Variants in RNFT2 observed in about 807,000 individuals in gnomAD.
The protein encoded by RNFT2 is ring finger protein, transmembrane 2.
A neutral mutation model predicts 53.0 loss-of-function variants in RNFT2; 36 were observed. The observed-to-expected ratio is 0.68, with a 90% CI of 0.52 to 0.90. The LOEUF is 0.90. Ranked by LOEUF, RNFT2 falls within the 40% of genes least tolerant of loss-of-function variation. The pLI is 0.00. For synonymous variants in RNFT2, 260 were observed against 253.2 expected (o/e 1.03, Z -0.26); for missense variants, 514 against 585.6 (o/e 0.88, Z 1.26).
intron 10 of RNFT2, among the ~76,000 whole-genome samples, chr12:116,841,564 A>G (rs1489333127): frequency 1.3e-5 from 2 of 150,364 alleles, no homozygotes; most frequent in African/African-American, 4.9e-5. Flanking sequence ...CCTGGCCAAC[A>G]TGGTGAAGCC....
intron 7 of RNFT2, among the ~76,000 whole-genome samples, chr12:116,807,784 C>T (rs1406268206): frequency 6.6e-6 from 1 of 152,002 alleles, no homozygotes; most frequent in Non-Finnish European, 1.5e-5. Context: ...TCTGTGGGGC[C>T]TGCACCTCAC....
intron 7 of RNFT2, among the ~76,000 whole-genome samples, chr12:116,791,011 T>C (rs1200450906): frequency 6.6e-6 from 1 of 152,230 alleles, no homozygotes; most frequent in Non-Finnish European, 1.5e-5. Context: ...TTTTAGAGTA[T>C]GCCATTCAGT....
chr12:116,801,619 T>A (rs1222488954), intron 7 of RNFT2: 1 of 152,208 alleles, frequency 6.6e-6, no homozygotes, highest in Non-Finnish European at 1.5e-5. Context: ...GTTAGTTAAT[T>A]ATTGTCATTC....
chr12:116,765,483 T>C (rs1205610141), intron 5 of RNFT2, among the ~76,000 whole-genome samples: 1 of 152,068 alleles, frequency 6.6e-6, no homozygotes, highest in Non-Finnish European at 1.5e-5. Context: ...ACAGGGAAGG[T>C]TACACTGGGA....
intron 7 of RNFT2, among the ~76,000 whole-genome samples, chr12:116,803,779 A>G (rs1160000008): frequency 6.6e-6 from 1 of 152,250 alleles, no homozygotes; most frequent in African/African-American, 2.4e-5. Flanking sequence ...AGCCTTGAGT[A>G]GCAGGGGGAT....
At chr12:116,805,468 T>TTTG (rs957787286) in intron 7 of RNFT2, among the ~76,000 whole-genome samples, 7 of 152,116 alleles carry the variant, frequency 4.6e-5, no homozygotes, top group South Asian at 4.2e-4. Flanking sequence ...TGCTGCATTT[T>TTTG]TTGTTGTTGT....
At chr12:116,841,967 AG>A (rs1555210472) in intron 10 of RNFT2, among the ~76,000 whole-genome samples, 6 of 17,214 alleles carry the variant, frequency 3.5e-4, no homozygotes, top group Admixed American at 1.1e-3. Context: ...ATAGAGAGAG[AG>A]AGAGAGAGAG....
intron 10 of RNFT2, among the ~76,000 whole-genome samples, chr12:116,847,249 A>T (rs1168900308): frequency 6.6e-6 from 1 of 152,108 alleles, no homozygotes; most frequent in East Asian, 1.9e-4. Flanking sequence ...TATTTAATAT[A>T]TGGTACATAT....
chr12:116,771,378 T>C (rs1042036272), intron 6 of RNFT2, among the ~76,000 whole-genome samples: 1 of 144,016 alleles, frequency 6.9e-6, no homozygotes, highest in African/African-American at 2.6e-5. Context: ...GAGGATCACA[T>C]AAGCCTGGGA....
intron 3 of RNFT2, chr12:116,748,752 T>C: frequency 2.4e-6 from 1 of 421,214 alleles, no homozygotes; most frequent in Non-Finnish European, 4.7e-6. Context: ...GAGGTAATTC[T>C]AGAATCATAG....
chr12:116,828,163 C>A (rs1876441977), intron 7 of RNFT2, among the ~76,000 whole-genome samples: 1 of 152,174 alleles, frequency 6.6e-6, no homozygotes, highest in Non-Finnish European at 1.5e-5. Context: ...CCTCTTGGCT[C>A]TGGAACACCC....
intron 6 of RNFT2, among the ~76,000 whole-genome samples, chr12:116,768,711 T>C (rs1348917799): frequency 6.7e-6 from 1 of 149,976 alleles, no homozygotes; most frequent in African/African-American, 2.5e-5. Flanking sequence ...CTTTTCATTG[T>C]CATTTTTTTT....
chr12:116,754,242 C>T (rs1409680561), intron 5 of RNFT2, among the ~76,000 whole-genome samples, 182 bp downstream of exon 5: 1 of 152,196 alleles, frequency 6.6e-6, no homozygotes, highest in Non-Finnish European at 1.5e-5. Context: ...TCCTGAGTTA[C>T]ATCACTTAGA....
intron 7 of RNFT2, among the ~76,000 whole-genome samples, chr12:116,821,067 C>A (rs926564660): frequency 6.6e-6 from 1 of 152,098 alleles, no homozygotes; most frequent in African/African-American, 2.4e-5. Context: ...CCGTTCCTGG[C>A]CCCTGGTAAG....
chr12:116,827,913 C>A (rs1005606672), intron 7 of RNFT2, among the ~76,000 whole-genome samples: 2 of 152,208 alleles, frequency 1.3e-5, no homozygotes, highest in South Asian at 4.1e-4. Flanking sequence ...TGATCCCAGC[C>A]TCTTTGGTTC....
intron 4 of RNFT2, among the ~76,000 whole-genome samples, chr12:116,750,819 TTATATATATAATATATATATTA>T (rs1872167408): frequency 1.4e-3 from 6 of 4,332 alleles, no homozygotes; most frequent in African/African-American, 2.1e-3. Context: ...AATATATATA[TTATATATATAATATATATATTA>T]TATATATATA....
intron 3 of RNFT2, among the ~76,000 whole-genome samples, chr12:116,745,178 T>TTC (rs1871836303): frequency 6.8e-6 from 1 of 147,890 alleles, no homozygotes; most frequent in Admixed American, 6.7e-5. Context: ...ACCAGATTTT[T>TTC]TTTTTTTTTT....
chr12:116,782,324 G>C (rs1468436613), intron 7 of RNFT2: 2 of 151,894 alleles, frequency 1.3e-5, no homozygotes, highest in East Asian at 3.9e-4. Flanking sequence ...TTTGAGACCA[G>C]CTTGGGCAAG....
At chr12:116,775,261 CAAAAA>C (rs5801198) in intron 6 of RNFT2, among the ~76,000 whole-genome samples, 8 of 116,802 alleles carry the variant, frequency 6.8e-5, no homozygotes, top group African/African-American at 6.8e-5. Context: ...ACTCCCGTCT[CAAAAA>C]AAAAAAAAAA....
Sources: gnomAD v4.1 joint callset for allele counts (sites outside exome capture counted in the v4.1 genomes callset) on GRCh38, gnomAD v4.1.1 for gene constraint, MANE v1.5 for transcripts, NCBI Gene and HGNC (gene_info 2026-07-23, HGNC 2026-07-21) for gene names.